The following KAZN variants were observed in gnomAD, a reference collection of about 807,000 sequenced individuals.
KAZN encodes kazrin.
Under a neutral mutation model 87.4 loss-of-function variants are expected in KAZN, and 40 were observed. That is an observed-to-expected ratio of 0.46 (90% CI 0.36 to 0.60). The LOEUF is 0.60. Among genes scored for constraint, KAZN ranks in the 20% least tolerant of loss-of-function variants. KAZN has a pLI of 0.00. For missense variants in KAZN, 898 were observed against 1,073.9 expected (o/e 0.84, Z 2.29); for synonymous variants, 466 against 458.3 (o/e 1.02, Z -0.22).
chr1:14,703,903 A>T (rs1642065615), intron 1 of KAZN, among the ~76,000 whole-genome samples: 1 of 152,204 alleles, frequency 6.6e-6, no homozygotes, highest in South Asian at 2.1e-4. Context: ...TGAAAAATAA[A>T]AAAGAATAGA....
At chr1:14,619,096 A>G (rs1678486746) in intron 1 of KAZN, among the ~76,000 whole-genome samples, 1 of 152,128 alleles carries the variant, frequency 6.6e-6, no homozygotes, top group Non-Finnish European at 1.5e-5. Context: ...AGTAAATGAG[A>G]TTGAGAATGC....
chr1:14,950,014 C>T (rs929193574), intron 1 of KAZN, among the ~76,000 whole-genome samples: 5 of 151,960 alleles, frequency 3.3e-5, no homozygotes, highest in East Asian at 1.9e-4. Context: ...CACCACCTAA[C>T]GGAAAAAACA....
In KAZN at chr1:14,401,904, G is replaced by C. The variant is rs1421098347; in HGVS notation, c.250-197079G>C. Among the ~76,000 whole-genome samples the C allele has an allele frequency of 1.4e-4, 22 of 151,874 alleles. 1 individual carries two copies. Among genetic ancestry groups the C allele is most frequent in the Non-Finnish European group, 2.9e-5 (2 of 67,972 alleles). ...AACCTAAAAGCAAACGTCATATTAA[G>C]AGTGAAATAGGCAAGTCTTTCCAGT... On this transcript the variant is annotated intron_variant, in intron 2 of 16. Transcript: ENST00000636203.
At chr1:13,904,856 A>G (rs1453790843) in intron 1 of KAZN, among the ~76,000 whole-genome samples, 1 of 152,178 alleles carries the variant, frequency 6.6e-6, no homozygotes, top group African/African-American at 2.4e-5. Context: ...ACTGATTCCC[A>G]TTCTTTCTAT....
chr1:14,618,207 G>C (rs115627533), intron 1 of KAZN, among the ~76,000 whole-genome samples: 1 of 152,314 alleles, frequency 6.6e-6, no homozygotes, highest in South Asian at 2.1e-4. Context: ...ACACACTGGG[G>C]CATGGCCCCA....
intron 2 of KAZN, among the ~76,000 whole-genome samples, chr1:15,007,744 G>A (rs1432370958): frequency 6.6e-6 from 1 of 152,232 alleles, no homozygotes; most frequent in African/African-American, 2.4e-5. Context: ...CAGCGGAGGA[G>A]ACTGGGAACA....
chr1:13,958,292 T>C (rs1389455346), intron 1 of KAZN, among the ~76,000 whole-genome samples: 3 of 152,150 alleles, frequency 2.0e-5, no homozygotes, highest in Admixed American at 6.5e-5. Context: ...AAAAATTGGC[T>C]GGGTGCGGTG....
chr1:14,200,300 AG>A (rs1646612432), intron 2 of KAZN, among the ~76,000 whole-genome samples: 1 of 152,206 alleles, frequency 6.6e-6, no homozygotes, highest in African/African-American at 2.4e-5. Context: ...AAAGCTTAGA[AG>A]AAAGTACACA....
chr1:14,885,433 A>G (rs1653930260), intron 1 of KAZN, among the ~76,000 whole-genome samples: 1 of 152,180 alleles, frequency 6.6e-6, no homozygotes, highest in East Asian at 1.9e-4. Context: ...CTTCCCCAGG[A>G]AAATATCTCT....
intron 1 of KAZN, among the ~76,000 whole-genome samples, chr1:13,930,092 C>T (rs1234753362): frequency 6.6e-6 from 1 of 152,198 alleles, no homozygotes; most frequent in Non-Finnish European, 1.5e-5. Context: ...TGCCATGTGA[C>T]TTTGCTATGC....
intron 8 of KAZN, among the ~76,000 whole-genome samples, chr1:15,074,072 G>T (rs183234565): frequency 1.3e-5 from 2 of 152,212 alleles, no homozygotes; most frequent in Non-Finnish European, 2.9e-5. Flanking sequence ...TCAAGGACTC[G>T]CTGTGTGACC....
intron 1 of KAZN, among the ~76,000 whole-genome samples, chr1:14,732,322 T>G (rs1299583101): frequency 1.3e-5 from 2 of 152,134 alleles, no homozygotes; most frequent in Non-Finnish European, 2.9e-5. Context: ...AAGTTCCATT[T>G]GTAAGTACTT....
intron 2 of KAZN, among the ~76,000 whole-genome samples, chr1:14,473,433 CCTGA>C (rs1668556783): frequency 6.6e-6 from 1 of 152,044 alleles, no homozygotes; most frequent in Non-Finnish European, 1.5e-5. Flanking sequence ...TTGAGACCAG[CCTGA>C]CCAATATGGT....
intron 2 of KAZN, among the ~76,000 whole-genome samples, chr1:14,312,669 T>C (rs1655385969): frequency 6.6e-6 from 1 of 152,144 alleles, no homozygotes; most frequent in Non-Finnish European, 1.5e-5. Context: ...TTGCTTCTAA[T>C]GAGTAGAATA....
chr1:14,414,520 G>A (rs536035224), intron 2 of KAZN, among the ~76,000 whole-genome samples: 40 of 152,202 alleles, frequency 2.6e-4, no homozygotes, highest in African/African-American at 9.2e-4. Flanking sequence ...GAAACATAAT[G>A]CTTAGCAAAA....
chr1:14,518,870 C>T (rs906717744), intron 2 of KAZN, among the ~76,000 whole-genome samples: 1 of 152,168 alleles, frequency 6.6e-6, no homozygotes, highest in Admixed American at 6.5e-5. Context: ...ATTTTGAGAG[C>T]CAAATCTGAT....
intron 1 of KAZN, among the ~76,000 whole-genome samples, chr1:14,896,041 CTTTTTTTTTTTTTTTTTTT>C (rs201188620): frequency 1.7e-3 from 235 of 140,698 alleles, no homozygotes; most frequent in Middle Eastern, 7.3e-3. Flanking sequence ...AAAAAGACGC[CTTTTTTTTTTTTTTTTTTT>C]TTTTTTTTTT....
At chr1:14,845,097 T>C (rs1463577326) in intron 1 of KAZN, among the ~76,000 whole-genome samples, 1 of 151,646 alleles carries the variant, frequency 6.6e-6, no homozygotes, top group African/African-American at 2.4e-5. Context: ...GATGGCTGGA[T>C]GGAACAGCTG....
intron 1 of KAZN, among the ~76,000 whole-genome samples, chr1:14,754,204 C>G (rs796244414): frequency 1.3e-5 from 2 of 152,154 alleles, no homozygotes; most frequent in African/African-American, 4.8e-5. Context: ...CCTGGGCTTT[C>G]TGCCCAGGGT....
Sources: gnomAD v4.1 joint callset for allele counts (sites outside exome capture counted in the v4.1 genomes callset) on GRCh38, gnomAD v4.1.1 for gene constraint, MANE v1.5 for transcripts, NCBI Gene and HGNC (gene_info 2026-07-23, HGNC 2026-07-21) for gene names.